Variants in SLC17A3 observed in about 807,000 individuals in gnomAD.
The protein encoded by SLC17A3 is solute carrier family 17 member 3.
A neutral mutation model predicts 60.3 loss-of-function variants in SLC17A3; 61 were observed. That is an observed-to-expected ratio of 1.01 (90% CI 0.82 to 1.25). The LOEUF is 1.25. Among genes scored for constraint, SLC17A3 ranks in the 50% most tolerant of loss-of-function variants. The probability of loss-of-function intolerance (pLI) is 0.00; values close to 1 mark genes in which losing one functional copy is unlikely to be tolerated. For synonymous variants in SLC17A3, 192 were observed against 208.9 expected (o/e 0.92, Z 0.70); for missense variants, 624 against 594.9 (o/e 1.05, Z -0.51).
chr6:25,867,544 T>C (rs1274975780), intron 2 of SLC17A3, among the ~76,000 whole-genome samples: 1 of 151,990 alleles, frequency 6.6e-6, no homozygotes, highest in Non-Finnish European at 1.5e-5. Flanking sequence ...TATCATCATA[T>C]ATCATAACTT....
chr6:25,861,865 G>A lies in SLC17A3; in HGVS notation c.468C>T (p.Cys156=). 1 of 1,613,478 alleles carries A rather than the reference G, an allele frequency of 6.2e-7. No homozygotes were observed. The highest frequency in any genetic ancestry group is 8.5e-7 in the Non-Finnish European group (1 of 1,179,624). ...SLFATSFLTL[C]IPLATDFGIV... ...TTCCAAAGTCAGTGGCCAGAGGGAT[G>A]CATAGAGTGAGAAATGAAGTTGCAA... is the stretch of plus-strand genomic sequence containing the variant. Residue 156 remains cysteine, a synonymous_variant, in exon 4 of 13, where the codon TGC becomes TGT. Coordinates refer to ENST00000397060, the MANE Select transcript of SLC17A3 (RefSeq NM_001098486.2).
intron 6 of SLC17A3, among the ~76,000 whole-genome samples, chr6:25,852,461 A>G (rs1024210304): frequency 6.6e-6 from 1 of 151,766 alleles, no homozygotes; most frequent in Admixed American, 6.6e-5. Context: ...CTCCCATCCT[A>G]CTTTTCTGTT....
intron 9 of SLC17A3, 23 bp from the exon 10 acceptor site, chr6:25,849,975 A>G: frequency 6.2e-7 from 1 of 1,614,016 alleles, no homozygotes; most frequent in Non-Finnish European, 8.5e-7. Context: ...GAAGAAACCA[A>G]TTAAACAGTG....
At chr6:25,870,981 T>C (rs1465819471) in intron 1 of SLC17A3, among the ~76,000 whole-genome samples, 3 of 152,044 alleles carry the variant, frequency 2.0e-5, no homozygotes, top group Non-Finnish European at 4.4e-5. Flanking sequence ...ATACGCCCCA[T>C]GTTAGCAGCC....
At chr6:25,852,766 A>C (rs1001472061) in intron 6 of SLC17A3, among the ~76,000 whole-genome samples, 13 of 152,284 alleles carry the variant, frequency 8.5e-5, no homozygotes, top group African/African-American at 3.1e-4. Context: ...TTGTTTACTA[A>C]TTCTAAAATC....
intron 2 of SLC17A3, among the ~76,000 whole-genome samples, chr6:25,865,675 T>G (rs1391639597): frequency 6.6e-6 from 1 of 151,994 alleles, no homozygotes. Flanking sequence ...AGATGTTAAG[T>G]GTTTCCTACA....
At chr6:25,849,523 C>T (rs1765234883) in intron 10 of SLC17A3, 59 bp from the exon 11 acceptor site, 5 of 1,014,952 alleles carry the variant, frequency 4.9e-6, no homozygotes, top group Non-Finnish European at 7.9e-6. Context: ...TATCCTTCAG[C>T]CCTGATCCAT....
intron 5 of SLC17A3, among the ~76,000 whole-genome samples, chr6:25,858,675 A>G (rs1191991744): frequency 6.6e-6 from 1 of 152,104 alleles, no homozygotes; most frequent in African/African-American, 2.4e-5. Context: ...TACCATTTCT[A>G]TTGAAATACT....
Position 25,861,907 on chromosome 6 carries a change from C to G in SLC17A3, c.426G>C (p.Val142=). 1 of 1,612,762 alleles carries G rather than the reference C, an allele frequency of 6.2e-7. No homozygotes were observed. ...AAGTTGCAAACAAAGAAATGCCAACCACTCGCTTTGTTCCTACTCTTCCAG... is the reference window on the plus strand; with the variant it reads ...AAGTTGCAAACAAAGAAATGCCAACGACTCGCTTTGTTCCTACTCTTCCAG... The part of the protein sequence containing the change: ...YLAGRVGTKR[V]VGISLFATSF... The change falls in exon 4 of 13, where the codon GTG becomes GTC. Residue 142 remains valine (V), a synonymous_variant. Transcript: ENST00000397060.
At chr6:25,865,214 A>G (rs528258682) in intron 2 of SLC17A3, among the ~76,000 whole-genome samples, 32 of 152,098 alleles carry the variant, frequency 2.1e-4, no homozygotes, top group African/African-American at 7.5e-4. Flanking sequence ...GTTTTGTCCA[A>G]GATGATTCCA....
Position 25,849,864 on chromosome 6 carries a change from G to GC in SLC17A3, c.1211dup (p.Cys404TrpfsTer50), listed in dbSNP as rs1561853528. On this transcript the variant is annotated frameshift_variant, in exon 10 of 13. Transcript: ENST00000397060. LOFTEE classifies it high-confidence loss of function. Reference sequence around the variant, plus strand: ...CTGACTGACACAATGTGCTTAATCCGCAAGAGAGCGTCAGCAAGGCAGTTG... The same window carrying GC: ...CTGACTGACACAATGTGCTTAATCCGCCAAGAGAGCGTCAGCAAGGCAGTTG... The GC allele has an allele frequency of 6.2e-7, 1 of 1,613,848 alleles. No homozygotes were observed. The highest frequency in any genetic ancestry group is 8.5e-7 in the Non-Finnish European group (1 of 1,179,824).
intron 6 of SLC17A3, 32 bp from the exon 7 acceptor site, chr6:25,850,909 C>A: frequency 6.6e-7 from 1 of 1,517,054 alleles, no homozygotes; most frequent in South Asian, 1.1e-5. Context: ...GGTAAATGGG[C>A]TGTTTTCTGC....
At chr6:25,857,239 C>CT (rs1765371965) in intron 5 of SLC17A3, among the ~76,000 whole-genome samples, 1 of 150,990 alleles carries the variant, frequency 6.6e-6, no homozygotes, top group South Asian at 2.1e-4. Flanking sequence ...TTTTAATTTC[C>CT]TTTTTCATAG....
chr6:25,849,956 G>C lies in SLC17A3; in HGVS notation c.1124-4C>G. 1 of 1,613,944 alleles carries C rather than the reference G, an allele frequency of 6.2e-7. No individual in the cohort carries two copies. The highest frequency in any genetic ancestry group is 1.1e-5 in the South Asian group (1 of 91,086). On this transcript the variant is annotated splice_polypyrimidine_tract_variant and splice_region_variant and intron_variant, in intron 9 of 12. Coordinates refer to ENST00000397060, the MANE Select transcript of SLC17A3 (RefSeq NM_001098486.2). The stretch of plus-strand genomic sequence containing the variant: ...AGTGCTGAAGAGGGGAGACTTCCTA[G>C]GAAATGAAGAAGAAACCAATTAAAC...
chr6:25,862,607 T>G (rs78287505), intron 2 of SLC17A3, among the ~76,000 whole-genome samples, 163 bp from the exon 3 acceptor site: 5,422 of 152,048 alleles, frequency 0.036, 276 homozygotes, highest in African/African-American at 0.12. Context: ...AGGAGATCAC[T>G]GAGTTGAGCT....
Position 25,862,358 on chromosome 6 carries a change from T to A in SLC17A3, c.178A>T (p.Asn60Tyr). Residue 60 changes from asparagine to tyrosine, a missense_variant, in exon 3 of 13, where the codon AAC becomes TAC. Transcript: ENST00000397060. Reference sequence around the variant, plus strand: ...TTGACCATGGCTACCATGGTGATGTTCATGATGACATTTTGTGCTATCGTT... The same window carrying A: ...TTGACCATGGCTACCATGGTGATGTACATGATGACATTTTGTGCTATCGTT... ...FTTIAQNVIM[N>Y]ITMVAMVNST... 6.2e-7 allele frequency: 1 copy of A among 1,613,760 alleles called. No homozygotes were observed. The highest frequency in any genetic ancestry group is 8.5e-7 in the Non-Finnish European group (1 of 1,179,718).
At chr6:25,846,247 C>A (rs1765172942) in intron 11 of SLC17A3, among the ~76,000 whole-genome samples, 1 of 151,982 alleles carries the variant, frequency 6.6e-6, no homozygotes, top group South Asian at 2.1e-4. Context: ...ATAATGAATG[C>A]AATGAAACCA....
intron 5 of SLC17A3, among the ~76,000 whole-genome samples, chr6:25,856,405 T>TA (rs1335075907): frequency 1.3e-5 from 2 of 152,208 alleles, no homozygotes; most frequent in Admixed American, 1.3e-4. Context: ...TTGGCTAACT[T>TA]AAAAAAATTC....
intron 5 of SLC17A3, 34 bp from the exon 6 acceptor site, chr6:25,855,264 T>G: frequency 8.9e-6 from 13 of 1,457,366 alleles, no homozygotes; most frequent in South Asian, 1.1e-5. Flanking sequence ...TGTGGGACTC[T>G]AGACTTCTAC....
Sources: gnomAD v4.1 joint callset for allele counts (sites outside exome capture counted in the v4.1 genomes callset) on GRCh38, gnomAD v4.1.1 for gene constraint, MANE v1.5 for transcripts, NCBI Gene and HGNC (gene_info 2026-07-23, HGNC 2026-07-21) for gene names.